ARHGAP20: variants seen among roughly 807,000 people sequenced by gnomAD.
The protein encoded by ARHGAP20 is Rho GTPase activating protein 20, also known as rho GTPase-activating protein 20.
Under a neutral mutation model 73.7 loss-of-function variants are expected in ARHGAP20, and 34 were observed. The ratio of observed to expected loss-of-function variants is 0.46; its 90% confidence interval spans 0.35 to 0.61. ARHGAP20 has a LOEUF of 0.61. ARHGAP20 is among the 20% of genes least tolerant of loss of function. The pLI, the probability that ARHGAP20 is intolerant of heterozygous loss-of-function variation, is 0.00. For missense variants in ARHGAP20, 1,314 were observed against 1,420.9 expected (o/e 0.92, Z 1.21); for synonymous variants, 523 against 518.2 (o/e 1.01, Z -0.13).
At chr11:110,585,313 G>C (rs1223623609) in intron 12 of ARHGAP20, among the ~76,000 whole-genome samples, 1 of 151,328 alleles carries the variant, frequency 6.6e-6, no homozygotes, top group Non-Finnish European at 1.5e-5. Flanking sequence ...ACAGCTTATA[G>C]GATATATAGC....
At chr11:110,635,350 C>G (rs1016411688) in intron 2 of ARHGAP20, among the ~76,000 whole-genome samples, 8 of 152,090 alleles carry the variant, frequency 5.3e-5, no homozygotes, top group African/African-American at 1.9e-4. Context: ...AGGGTTGGCT[C>G]AGCATCCTGC....
intron 2 of ARHGAP20, among the ~76,000 whole-genome samples, chr11:110,658,981 C>T (rs1949535777): frequency 6.6e-6 from 1 of 152,132 alleles, no homozygotes. Flanking sequence ...ACCCTAGGTT[C>T]CAAGTCTTTG....
intron 2 of ARHGAP20, among the ~76,000 whole-genome samples, chr11:110,649,512 A>C (rs1020002676): frequency 1.3e-5 from 2 of 152,096 alleles, no homozygotes; most frequent in African/African-American, 4.8e-5. Context: ...GAAGTATATT[A>C]ATAGAGTTCA....
At chr11:110,686,174 C>A (rs1950128079) in intron 2 of ARHGAP20, among the ~76,000 whole-genome samples, 1 of 151,848 alleles carries the variant, frequency 6.6e-6, no homozygotes, top group African/African-American at 2.4e-5. Flanking sequence ...AAACAGCAAG[C>A]TCATTAATAA....
At chr11:110,661,149 T>C (rs1453242297) in intron 2 of ARHGAP20, among the ~76,000 whole-genome samples, 1 of 152,218 alleles carries the variant, frequency 6.6e-6, no homozygotes, top group East Asian at 1.9e-4. Flanking sequence ...CATCTTCTTT[T>C]CCTGTCTTTA....
intron 2 of ARHGAP20, among the ~76,000 whole-genome samples, chr11:110,649,936 TAA>T (rs1050124471): frequency 6.6e-6 from 1 of 152,136 alleles, no homozygotes; most frequent in Non-Finnish European, 1.5e-5. Context: ...CTGAGGACAA[TAA>T]AAACTCCATA....
At chr11:110,697,409 C>T (rs1950357227) in intron 1 of ARHGAP20, among the ~76,000 whole-genome samples, 2 of 151,630 alleles carry the variant, frequency 1.3e-5, no homozygotes, top group South Asian at 4.1e-4. Context: ...TGTCCTTTGC[C>T]CATTTTTTAA....
At chr11:110,685,042 C>G (rs1377168897) in intron 2 of ARHGAP20, among the ~76,000 whole-genome samples, 1 of 151,880 alleles carries the variant, frequency 6.6e-6, no homozygotes, top group Non-Finnish European at 1.5e-5. Flanking sequence ...CACATGTACC[C>G]CCCTGAATCT....
intron 2 of ARHGAP20, among the ~76,000 whole-genome samples, chr11:110,661,742 AAG>A (rs1949617210): frequency 6.6e-6 from 1 of 152,146 alleles, no homozygotes; most frequent in Non-Finnish European, 1.5e-5. Flanking sequence ...ATAACATATT[AAG>A]ACACTGTTAG....
chr11:110,620,112 G>C (rs1379383660), intron 4 of ARHGAP20, among the ~76,000 whole-genome samples: 1 of 152,048 alleles, frequency 6.6e-6, no homozygotes, highest in Non-Finnish European at 1.5e-5. Context: ...GCTCACTGCA[G>C]TCTTGAATTC....
intron 2 of ARHGAP20, among the ~76,000 whole-genome samples, chr11:110,661,501 T>C (rs1163044711): frequency 6.6e-6 from 1 of 152,112 alleles, no homozygotes; most frequent in Admixed American, 6.6e-5. Flanking sequence ...CCTCTCATCA[T>C]TAACACAACC....
chr11:110,577,566 C>T lies in ARHGAP20; in HGVS notation c.*1804G>A. On this transcript the variant is annotated 3_prime_UTR_variant, in exon 15 of 15. Transcript: ENST00000683387. ...CAGTTCTGACTGACAGTAGTATGCCCTAAGGGAAAGGGGAGTCCCTGCTGA... is the reference window on the plus strand; with the variant it reads ...CAGTTCTGACTGACAGTAGTATGCCTTAAGGGAAAGGGGAGTCCCTGCTGA... The T allele has an allele frequency of 4.0e-6, 4 of 988,850 alleles. No individual in the cohort carries two copies. Among genetic ancestry groups the T allele is most frequent in the Non-Finnish European group, 4.8e-6 (4 of 832,238 alleles). 61.3% of individuals were successfully genotyped at this position (988,850 alleles called of 1,614,324 possible).
At chr11:110,617,407 C>T (rs1273837230) in intron 4 of ARHGAP20, among the ~76,000 whole-genome samples, 1 of 151,942 alleles carries the variant, frequency 6.6e-6, no homozygotes, top group Non-Finnish European at 1.5e-5. Context: ...GGATTACAGG[C>T]ATGTGCCACC....
intron 9 of ARHGAP20, among the ~76,000 whole-genome samples, chr11:110,601,560 C>T (rs976054379): frequency 2.0e-5 from 3 of 152,176 alleles, no homozygotes; most frequent in Admixed American, 2.0e-4. Context: ...ACAAACTATG[C>T]TCCCTGGACT....
rs143505105 is a variant in ARHGAP20, at chr11:110,620,800, G to A, written c.503+3362C>T. On this transcript the variant is annotated intron_variant, in intron 4 of 14. Transcript: ENST00000683387. Reference sequence around the variant, plus strand: ...ATGTATTCCATTGTCAGCTGGGCGCGGTGGCTCATGTCCGTAATCCCAGCA... The same window carrying A: ...ATGTATTCCATTGTCAGCTGGGCGCAGTGGCTCATGTCCGTAATCCCAGCA... Among the ~76,000 whole-genome samples, 256 of 152,130 alleles carry A rather than the reference G, an allele frequency of 1.7e-3. 2 individuals are homozygous for A. The East Asian group carries it at 0.027, about 16-fold the overall frequency.
Position 110,712,193 on chromosome 11 carries a change from T to G in ARHGAP20, c.39A>C (p.Gly13=). 7.4e-7 allele frequency: 1 copy of G among 1,358,814 alleles called. No homozygotes were observed. The highest frequency in any genetic ancestry group is 9.5e-7 in the Non-Finnish European group (1 of 1,050,176). The allele number at this position is 1,358,814 out of a possible 1,614,324, so 84.2% of individuals were successfully genotyped here. Residue 13 remains glycine, a synonymous_variant, in exon 1 of 15, where the codon GGA becomes GGC. Coordinates refer to ENST00000683387, the MANE Select transcript of ARHGAP20 (RefSeq NM_001384657.1). ...AMSPQQETLG[G]QPGRSSSLTG... Reference sequence around the variant, plus strand: ...TCAGGGAAGAGGAGCGCCCCGGCTGTCCCCCTAGAGTCTCCTGCTGGGGGG... The same window carrying G: ...TCAGGGAAGAGGAGCGCCCCGGCTGGCCCCCTAGAGTCTCCTGCTGGGGGG...
intron 1 of ARHGAP20, chr11:110,711,770 G>A (rs1565491034): frequency 1.5e-6 from 2 of 1,356,114 alleles, no homozygotes; most frequent in Non-Finnish European, 9.4e-7. Context: ...AGGCCCAGGG[G>A]CACGGCGAGG....
At chr11:110,664,294 A>G (rs1056888651) in intron 2 of ARHGAP20, among the ~76,000 whole-genome samples, 1 of 152,236 alleles carries the variant, frequency 6.6e-6, no homozygotes, top group Non-Finnish European at 1.5e-5. Context: ...TGGAACCTAC[A>G]AAAACAATCC....
intron 11 of ARHGAP20, among the ~76,000 whole-genome samples, chr11:110,586,990 G>A (rs758471821): frequency 2.0e-5 from 3 of 152,182 alleles, no homozygotes; most frequent in Non-Finnish European, 2.9e-5. Context: ...CCTGATGTAT[G>A]CTAAATAACA....
Sources: allele counts gnomAD v4.1 joint callset (sites outside exome capture counted in the v4.1 genomes callset), GRCh38; gene constraint gnomAD v4.1.1; transcripts MANE v1.5; gene names NCBI Gene and HGNC (gene_info 2026-07-23, HGNC 2026-07-21).